The following MARCHF1 variants were observed in gnomAD, a reference collection of about 807,000 sequenced individuals.
MARCHF1 encodes the protein E3 ubiquitin-protein ligase MARCHF1.
Under a neutral mutation model 54.2 loss-of-function variants are expected in MARCHF1, and 40 were observed. The observed-to-expected ratio is 0.74, with a 90% CI of 0.57 to 0.96. The LOEUF (loss-of-function observed/expected upper bound fraction) is 0.96, where lower values mean the gene tolerates loss of function less well. MARCHF1 is among the 40% of genes least tolerant of loss of function. MARCHF1 has a pLI of 0.00. For missense variants in MARCHF1, 586 were observed against 656.5 expected, an observed-to-expected ratio of 0.89 and a Z score of 1.17; for synonymous variants, 236 against 236.3, an observed-to-expected ratio of 1.00 and a Z score of 0.01.
At chr4:163,660,962 T>C (rs1165772525) in intron 5 of MARCHF1, among the ~76,000 whole-genome samples, 4 of 152,036 alleles carry the variant, frequency 2.6e-5, no homozygotes, top group Non-Finnish European at 4.4e-5. Context: ...TTCAGCTCAT[T>C]GAGGTATTAT....
intron 2 of MARCHF1, among the ~76,000 whole-genome samples, chr4:164,021,712 C>T (rs1486380105): frequency 6.6e-6 from 1 of 151,780 alleles, no homozygotes; most frequent in African/African-American, 2.4e-5. Flanking sequence ...AAAAATTTAG[C>T]CGGGCTTAGT....
At chr4:163,697,816 A>AT (rs1394673405) in intron 5 of MARCHF1, among the ~76,000 whole-genome samples, 1 of 152,180 alleles carries the variant, frequency 6.6e-6, no homozygotes, top group African/African-American at 2.4e-5. Context: ...AGGAATATGC[A>AT]TTTTTTAAGG....
chr4:163,943,715 C>CT (rs1225065502), intron 3 of MARCHF1, among the ~76,000 whole-genome samples: 1 of 139,984 alleles, frequency 7.1e-6, no homozygotes, highest in Admixed American at 7.6e-5. Context: ...CGTAACAAAT[C>CT]TGCACATGTC....
intron 4 of MARCHF1, among the ~76,000 whole-genome samples, chr4:163,703,054 T>C (rs1744853029): frequency 6.6e-6 from 1 of 152,148 alleles, no homozygotes; most frequent in African/African-American, 2.4e-5. Context: ...AATTTCCTCA[T>C]TGTAAAATTG....
rs140392690 is a variant in MARCHF1, at chr4:164,256,113, G to C, written c.-323+127757C>G. Reference sequence around the variant, plus strand: ...GGTGACCAGCCTGGTCAACATAGTGGTACCCTACAAAAATAAAAAATAAAA... The same window carrying C: ...GGTGACCAGCCTGGTCAACATAGTGCTACCCTACAAAAATAAAAAATAAAA... On this transcript the variant is annotated intron_variant, in intron 1 of 9. Coordinates refer to ENST00000514618, the MANE Select transcript of MARCHF1 (RefSeq NM_001394959.1). Among the ~76,000 whole-genome samples, 44 of 151,132 alleles carry C rather than the reference G, an allele frequency of 2.9e-4. 1 individual carries two copies. In the East Asian group the frequency reaches 7.8e-3, roughly 27 times the overall value.
intron 1 of MARCHF1, among the ~76,000 whole-genome samples, chr4:164,359,225 A>G (rs757081069): frequency 3.3e-5 from 5 of 152,144 alleles, no homozygotes; most frequent in Non-Finnish European, 7.3e-5. Flanking sequence ...GTGTCATTGC[A>G]TGTGTGTGGT....
intron 1 of MARCHF1, among the ~76,000 whole-genome samples, chr4:164,245,027 G>T (rs568044943): frequency 1.2e-3 from 183 of 152,254 alleles, no homozygotes; most frequent in South Asian, 0.011. Flanking sequence ...TCTACCAGAG[G>T]TACAAGGAGG....
At chr4:163,596,519 G>A (rs1184453079) in intron 7 of MARCHF1, among the ~76,000 whole-genome samples, 2 of 125,818 alleles carry the variant, frequency 1.6e-5, no homozygotes, top group African/African-American at 6.1e-5. Context: ...CAGCCTGGGC[G>A]ACAGTGTGAG....
chr4:163,813,433 T>G (rs570465362), intron 4 of MARCHF1, among the ~76,000 whole-genome samples: 1 of 152,280 alleles, frequency 6.6e-6, no homozygotes, highest in South Asian at 2.1e-4. Flanking sequence ...CCCTCAGATT[T>G]CCTCAGGACA....
At chr4:163,863,353 T>C (rs1440130047) in intron 3 of MARCHF1, among the ~76,000 whole-genome samples, 3 of 152,118 alleles carry the variant, frequency 2.0e-5, no homozygotes, top group African/African-American at 7.2e-5. Context: ...ATAAGCACTG[T>C]GCTCTAGTTC....
intron 8 of MARCHF1, among the ~76,000 whole-genome samples, chr4:163,565,124 T>A (rs1184936734): frequency 6.6e-6 from 1 of 152,234 alleles, no homozygotes. Context: ...TGTCAAACTA[T>A]GCCAACATTG....
At chr4:164,133,918 T>C (rs1185359123) in intron 1 of MARCHF1, among the ~76,000 whole-genome samples, 1 of 152,214 alleles carries the variant, frequency 6.6e-6, no homozygotes, top group African/African-American at 2.4e-5. Flanking sequence ...AAATAGATAC[T>C]GTATTAGATA....
chr4:163,931,166 T>C (rs1277453828), intron 3 of MARCHF1, among the ~76,000 whole-genome samples: 2 of 152,114 alleles, frequency 1.3e-5, no homozygotes, highest in Non-Finnish European at 2.9e-5. Context: ...AGAAACTGCA[T>C]TGGATGGAAC....
chr4:164,298,716 G>A (rs988019506), intron 1 of MARCHF1, among the ~76,000 whole-genome samples: 6 of 151,884 alleles, frequency 4.0e-5, no homozygotes, highest in Non-Finnish European at 7.4e-5. Flanking sequence ...AATATATACC[G>A]CTTCCATGGA....
Position 163,901,718 on chromosome 4 carries a change from G to A in MARCHF1, c.-38-47549C>T, listed in dbSNP as rs531480887. 6.7e-4 allele frequency among the ~76,000 whole-genome samples: 102 copies of A among 152,276 alleles called. 1 individual carries two copies. Among genetic ancestry groups the A allele is most frequent in the African/African-American group, 2.3e-3 (96 of 41,570 alleles). ...CTCTTCCCAGTAGAGCAATTGTTGT[G>A]TTCTATTGCAGATATTCAGAGTTTT... is the stretch of plus-strand genomic sequence containing the variant. On this transcript the variant is annotated intron_variant, in intron 3 of 9. Transcript: ENST00000514618.
At chr4:163,842,034 G>A (rs1048093559) in intron 4 of MARCHF1, among the ~76,000 whole-genome samples, 3 of 152,046 alleles carry the variant, frequency 2.0e-5, no homozygotes, top group African/African-American at 7.2e-5. Flanking sequence ...GGTGGCTTTT[G>A]GCTTTTAACC....
chr4:164,237,606 TTTA>T (rs1368947706), intron 1 of MARCHF1, among the ~76,000 whole-genome samples: 2 of 152,074 alleles, frequency 1.3e-5, no homozygotes, highest in East Asian at 3.8e-4. Flanking sequence ...TATAATTATC[TTTA>T]TTAATTGCAA....
At chr4:164,027,630 G>A (rs906245838) in intron 2 of MARCHF1, among the ~76,000 whole-genome samples, 4 of 151,928 alleles carry the variant, frequency 2.6e-5, no homozygotes, top group Admixed American at 1.3e-4. Context: ...AGTGTAAGAT[G>A]TCAAATTATA....
intron 1 of MARCHF1, among the ~76,000 whole-genome samples, chr4:164,206,165 G>A (rs1212117182): frequency 5.9e-5 from 9 of 152,140 alleles, no homozygotes; most frequent in African/African-American, 1.7e-4. Context: ...GGCCAGGCGC[G>A]GTGGCTCATG....
Sources: gnomAD v4.1 joint callset for allele counts (sites outside exome capture counted in the v4.1 genomes callset) on GRCh38, gnomAD v4.1.1 for gene constraint, MANE v1.5 for transcripts, NCBI Gene and HGNC (gene_info 2026-07-23, HGNC 2026-07-21) for gene names.